The following SLC35F4 variants were observed in gnomAD, a reference collection of about 807,000 sequenced individuals.
SLC35F4 encodes chromosome 14 open reading frame 36.
SLC35F4 carries 24 observed loss-of-function variants against 44.2 expected under a neutral mutation model. The observed-to-expected ratio is 0.54, with a 90% confidence interval of 0.39 to 0.76. The LOEUF is 0.76. Among genes scored for constraint, SLC35F4 ranks in the 30% least tolerant of loss-of-function variants. SLC35F4 has a pLI of 0.00. For missense variants in SLC35F4, 562 were observed against 586.1 expected, an observed-to-expected ratio of 0.96 and a Z score of 0.42; for synonymous variants, 238 against 223.6, an observed-to-expected ratio of 1.06 and a Z score of -0.57.
chr14:57,935,217 C>T (rs1018929292), intron 1 of SLC35F4, among the ~76,000 whole-genome samples: 6 of 152,152 alleles, frequency 3.9e-5, no homozygotes, highest in African/African-American at 1.4e-4. Context: ...TGTAAATTCC[C>T]TGAGGATGTC....
intron 1 of SLC35F4, among the ~76,000 whole-genome samples, chr14:57,872,844 C>T (rs1888323139): frequency 1.3e-5 from 2 of 152,286 alleles, no homozygotes; most frequent in South Asian, 2.1e-4. Context: ...CATATGTATA[C>T]ACCAGTACAT....
intron 1 of SLC35F4, among the ~76,000 whole-genome samples, chr14:57,615,412 G>A (rs2071756506): frequency 6.6e-6 from 1 of 151,564 alleles, no homozygotes; most frequent in African/African-American, 2.4e-5. Flanking sequence ...CTGCTTTAAG[G>A]AGTGTATTTT....
intron 1 of SLC35F4, among the ~76,000 whole-genome samples, chr14:57,786,072 G>A (rs2140773389): frequency 6.6e-6 from 1 of 152,228 alleles, no homozygotes; most frequent in South Asian, 2.1e-4. Flanking sequence ...AGGGCTGTTG[G>A]GGGTAGGGCA....
chr14:57,689,496 C>T (rs1478172329), intron 1 of SLC35F4, among the ~76,000 whole-genome samples: 1 of 152,074 alleles, frequency 6.6e-6, no homozygotes, highest in African/African-American at 2.4e-5. Context: ...AAACCCTGCT[C>T]CCGGTCTCAC....
chr14:57,875,508 G>A (rs1023413954), intron 1 of SLC35F4, among the ~76,000 whole-genome samples: 2 of 152,212 alleles, frequency 1.3e-5, no homozygotes, highest in African/African-American at 4.8e-5. Flanking sequence ...GATCCTGGAT[G>A]GGCTTGCTTA....
At chr14:57,646,481 AT>A (rs1484429344) in intron 1 of SLC35F4, among the ~76,000 whole-genome samples, 1 of 151,852 alleles carries the variant, frequency 6.6e-6, no homozygotes, top group Non-Finnish European at 1.5e-5. Context: ...CCCCTTTGTC[AT>A]TTTTTATTGC....
upstream of SLC35F4, among the ~76,000 whole-genome samples, chr14:57,868,970 A>G (rs1888239535): frequency 1.3e-5 from 2 of 152,218 alleles, no homozygotes; most frequent in South Asian, 4.1e-4. Flanking sequence ...ATAGCCCTTC[A>G]CATAGCCAGT....
chr14:57,927,700 AG>A (rs1889608811), intron 1 of SLC35F4, among the ~76,000 whole-genome samples: 1 of 152,028 alleles, frequency 6.6e-6, no homozygotes, highest in Non-Finnish European at 1.5e-5. Context: ...CATGATGGCC[AG>A]GCTGGTCTCG....
chr14:57,735,495 G>A lies in SLC35F4; in HGVS notation c.103+130228C>T, dbSNP rs141269861. Among the ~76,000 whole-genome samples, 30 of 152,270 alleles carry A rather than the reference G, an allele frequency of 2.0e-4. 1 individual carries two copies. The East Asian group carries it at 5.6e-3, about 28-fold the overall frequency. ...GCCTTCCTGATGTCTAGCAGTTGAT[G>A]CCAGCCATCAGCTGGGATGCCTCAG... On this transcript the variant is annotated intron_variant, in intron 1 of 7. Transcript: ENST00000556826.
chr14:57,608,229 C>T (rs2140025236), intron 1 of SLC35F4, among the ~76,000 whole-genome samples: 1 of 152,236 alleles, frequency 6.6e-6, no homozygotes, highest in Admixed American at 6.5e-5. Context: ...CCGTCAAATT[C>T]ACATATTGAA....
chr14:57,840,245 A>C (rs1245956055), intron 1 of SLC35F4, among the ~76,000 whole-genome samples: 1 of 152,164 alleles, frequency 6.6e-6, no homozygotes, highest in Non-Finnish European at 1.5e-5. Context: ...TGCCATCCAA[A>C]ACAAAGGATA....
At chr14:57,742,444 C>G (rs1330778225) in intron 1 of SLC35F4, among the ~76,000 whole-genome samples, 1 of 152,164 alleles carries the variant, frequency 6.6e-6, no homozygotes, top group South Asian at 2.1e-4. Flanking sequence ...ATAAAACAGA[C>G]TTTAAACCAA....
chr14:57,665,596 G>A (rs1288449143), intron 1 of SLC35F4, among the ~76,000 whole-genome samples: 1 of 152,100 alleles, frequency 6.6e-6, no homozygotes, highest in Non-Finnish European at 1.5e-5. Context: ...TTCAAAGATT[G>A]TCTACCCTTC....
chr14:57,733,104 G>A (rs2076381146), intron 1 of SLC35F4, among the ~76,000 whole-genome samples: 2 of 152,126 alleles, frequency 1.3e-5, no homozygotes, highest in Non-Finnish European at 2.9e-5. Context: ...ATGAGGAGCT[G>A]TGCTGCTTTG....
intron 1 of SLC35F4, among the ~76,000 whole-genome samples, chr14:57,797,309 T>A (rs2078076362): frequency 1.3e-5 from 2 of 152,178 alleles, no homozygotes. Context: ...TATGATTCTG[T>A]TTTTAGCATT....
chr14:57,804,987 A>G (rs112083462), intron 1 of SLC35F4, among the ~76,000 whole-genome samples: 86 of 152,342 alleles, frequency 5.6e-4, no homozygotes, highest in African/African-American at 2.0e-3. Context: ...TCTCAAAAGA[A>G]GACATACAGG....
chr14:57,926,600 T>C (rs577953241), intron 1 of SLC35F4, among the ~76,000 whole-genome samples: 37 of 152,220 alleles, frequency 2.4e-4, no homozygotes, highest in African/African-American at 6.5e-4. Context: ...TTTCATGGTC[T>C]TGCACACTGT....
At chr14:57,627,020 C>T (rs187353968) in intron 1 of SLC35F4, among the ~76,000 whole-genome samples, 13 of 152,238 alleles carry the variant, frequency 8.5e-5, no homozygotes, top group Non-Finnish European at 1.5e-4. Context: ...CCTACTTCTT[C>T]TCTTTCCTGG....
At chr14:57,955,387 C>A (rs11850522) in intron 1 of SLC35F4, among the ~76,000 whole-genome samples, 5 of 152,128 alleles carry the variant, frequency 3.3e-5, no homozygotes, top group Non-Finnish European at 5.9e-5. Flanking sequence ...AAGTACAAGA[C>A]AAGTATGCCC....
Sources: gnomAD v4.1 joint callset for allele counts (sites outside exome capture counted in the v4.1 genomes callset) on GRCh38, gnomAD v4.1.1 for gene constraint, MANE v1.5 for transcripts, NCBI Gene and HGNC (gene_info 2026-07-23, HGNC 2026-07-21) for gene names.